The following PKD1L1 variants were observed in gnomAD, a reference collection of about 807,000 sequenced individuals.
PKD1L1 encodes polycystin 1 like 1, transient receptor potential channel interacting, also known as polycystin-1-like protein 1.
Under a neutral mutation model 323.4 loss-of-function variants are expected in PKD1L1, and 236 were observed. That is an observed-to-expected ratio of 0.73 (90% CI 0.66 to 0.81). The LOEUF (loss-of-function observed/expected upper bound fraction) is 0.81, where lower values mean the gene tolerates loss of function less well. Ranked by LOEUF, PKD1L1 falls within the 40% of genes least tolerant of loss-of-function variation. The pLI is 0.00. For synonymous variants in PKD1L1, 1,344 were observed against 1,335.0 expected (o/e 1.01, Z -0.15); for missense variants, 3,320 against 3,508.0 (o/e 0.95, Z 1.35).
intron 7 of PKD1L1, among the ~76,000 whole-genome samples, chr7:47,916,931 C>CA (rs1201088961): frequency 1.3e-5 from 2 of 152,010 alleles, no homozygotes; most frequent in East Asian, 1.9e-4. Flanking sequence ...TTAACACCTC[C>CA]AAAAAAATCA....
rs1041171305 is a variant in PKD1L1, at chr7:47,840,645, C to T, written c.5446-78G>A. 13 of 1,114,286 alleles carry T rather than the reference C, an allele frequency of 1.2e-5. No individual in the cohort carries two copies. Among genetic ancestry groups the T allele is most frequent in the Non-Finnish European group, 1.7e-5 (13 of 745,338 alleles). 69.0% of individuals were successfully genotyped at this position (1,114,286 alleles called of 1,614,324 possible). A position where few individuals can be genotyped will look rare whatever the true frequency, so the allele number is the denominator to read the frequency against. On this transcript the variant is annotated intron_variant, in intron 34 of 56. Transcript: ENST00000289672. This position sits in a 1 kb window ranked among gnomAD's most constrained non-coding sequence, Gnocchi z 4.1. The stretch of plus-strand genomic sequence containing the variant: ...TGCAATGCTGGGCAGGGCTTCCTCG[C>T]ACTTTCTCCCAGCGTCCCACCCTTC...
chr7:47,877,368 C>G, intron 22 of PKD1L1, 121 bp downstream of exon 22: 2 of 1,395,948 alleles, frequency 1.4e-6, no homozygotes, highest in Non-Finnish European at 9.8e-7. Context: ...CAACGGCAGG[C>G]TGAAATCCTT....
intron 6 of PKD1L1, 73 bp downstream of exon 6, chr7:47,931,031 C>A: frequency 7.1e-7 from 1 of 1,415,504 alleles, no homozygotes; most frequent in Non-Finnish European, 9.7e-7. Context: ...AAATCACTAA[C>A]GGATTGGGCA....
chr7:47,776,323 G>A (rs1489637925), intron 56 of PKD1L1, among the ~76,000 whole-genome samples: 2 of 152,158 alleles, frequency 1.3e-5, no homozygotes, highest in African/African-American at 4.8e-5. Context: ...TATTCTAGGA[G>A]GACAGCGTTA....
intron 37 of PKD1L1, 77 bp downstream of exon 37, chr7:47,836,844 G>C (rs1005738999): frequency 6.8e-7 from 1 of 1,479,364 alleles, no homozygotes; most frequent in Non-Finnish European, 9.2e-7. Context: ...TGTGAGCTTT[G>C]TTGATTTCTT....
chr7:47,943,145 C>CAAAAAA (rs142019299), intron 2 of PKD1L1, among the ~76,000 whole-genome samples: 8 of 88,986 alleles, frequency 9.0e-5, no homozygotes, highest in South Asian at 4.7e-4. Context: ...GACTCCGTCT[C>CAAAAAA]AAAAAAAAAA....
intron 36 of PKD1L1, among the ~76,000 whole-genome samples, chr7:47,838,133 C>T (rs995348720): frequency 2.0e-5 from 3 of 152,240 alleles, no homozygotes; most frequent in African/African-American, 7.2e-5. Context: ...TTGAATGGAC[C>T]TTCAGTTTTA....
chr7:47,793,745 G>A (rs6970132), intron 55 of PKD1L1, among the ~76,000 whole-genome samples: 18,600 of 152,194 alleles, frequency 0.12, 1,273 homozygotes, highest in African/African-American at 0.17. Context: ...GGGCTCAGAA[G>A]AAGACAGGAA....
chr7:47,812,128 G>T, intron 49 of PKD1L1, 77 bp from the exon 50 acceptor site: 1 of 1,231,398 alleles, frequency 8.1e-7, no homozygotes, highest in African/African-American at 1.5e-5. Flanking sequence ...CCAGCTGCAG[G>T]TCCCATGCTG....
At chr7:47,784,348 G>A (rs1786760780) in intron 56 of PKD1L1, among the ~76,000 whole-genome samples, 1 of 152,098 alleles carries the variant, frequency 6.6e-6, no homozygotes, top group Non-Finnish European at 1.5e-5. Flanking sequence ...TGTCCATCAT[G>A]GGAAAAATTC....
At chr7:47,894,115 T>C (rs1335994611) in intron 14 of PKD1L1, 56 bp from the exon 15 acceptor site, 35 of 1,450,372 alleles carry the variant, frequency 2.4e-5, no homozygotes, top group Non-Finnish European at 3.1e-5. Flanking sequence ...AGGGACTCAC[T>C]GGAGAAACAC....
chr7:47,845,036 C>A lies in PKD1L1; in HGVS notation c.5196G>T (p.Leu1732=). The A allele has an allele frequency of 6.2e-7, 1 of 1,614,044 alleles. No homozygotes were observed. The highest frequency in any genetic ancestry group is 8.5e-7 in the Non-Finnish European group (1 of 1,180,000). The change falls in exon 33 of 57, where the codon CTG becomes CTT. Residue 1732 remains leucine (L), a synonymous_variant. Coordinates refer to ENST00000289672, the MANE Select transcript of PKD1L1 (RefSeq NM_138295.5). The part of the protein sequence containing the change: ...LAAFALLRRK[L]KASFEVSDIS... ...TGTCACTCACTTCAAAACTGGCCTT[C>A]AGCTTTCTCCTTAGGAGAGCGAATG...
Position 47,829,543 on chromosome 7 carries a change from G to C in PKD1L1, c.6617C>G (p.Thr2206Ser), listed in dbSNP as rs1259275217. The C allele has an allele frequency of 1.2e-6, 2 of 1,613,588 alleles. No homozygotes were observed. The highest frequency in any genetic ancestry group is 1.7e-6 in the Non-Finnish European group (2 of 1,179,940). Residue 2206 changes from threonine to serine, a missense_variant, in exon 44 of 57, where the codon ACT (threonine) becomes AGT (serine). Coordinates refer to ENST00000289672, the MANE Select transcript of PKD1L1 (RefSeq NM_138295.5). ...CCTGGTAGCCTCACATAAAGACTCA[G>C]TAAAAAAGTGGTTGTCAGCTCTTCT... is the stretch of plus-strand genomic sequence containing the variant. Reference protein sequence around the residue: ...WKRRADNHFFTESLCEATRDL... With the variant: ...WKRRADNHFFSESLCEATRDL...
intron 54 of PKD1L1, among the ~76,000 whole-genome samples, chr7:47,798,202 G>C (rs1784583856): frequency 6.6e-6 from 1 of 152,196 alleles, no homozygotes; most frequent in Admixed American, 6.5e-5. Context: ...GAGTGAAAAA[G>C]ACCTCATGGG....
intron 41 of PKD1L1, among the ~76,000 whole-genome samples, chr7:47,832,356 G>C (rs1369101450): frequency 6.6e-6 from 1 of 152,202 alleles, no homozygotes; most frequent in East Asian, 1.9e-4. Flanking sequence ...CTGATCTACT[G>C]CTGATACTTG....
chr7:47,834,641 T>A (rs1785418723), intron 39 of PKD1L1, among the ~76,000 whole-genome samples: 2 of 151,944 alleles, frequency 1.3e-5, no homozygotes, highest in South Asian at 4.2e-4. Context: ...TTGAGAAAAA[T>A]GTTTAATTAA....
At chr7:47,922,644 C>T (rs1787571879) in intron 7 of PKD1L1, among the ~76,000 whole-genome samples, 2 of 151,554 alleles carry the variant, frequency 1.3e-5, no homozygotes, top group South Asian at 2.1e-4. Context: ...CCGGCCGCCC[C>T]GTCTGAGAAG....
chr7:47,899,451 C>T (rs1787030308), intron 13 of PKD1L1, among the ~76,000 whole-genome samples: 1 of 152,116 alleles, frequency 6.6e-6, no homozygotes, highest in African/African-American at 2.4e-5. Flanking sequence ...ATCCACACCC[C>T]TTACTCCTCC....
chr7:47,864,731 G>C (rs985295813), intron 26 of PKD1L1, among the ~76,000 whole-genome samples: 1 of 107,580 alleles, frequency 9.3e-6, no homozygotes, highest in Admixed American at 1.4e-4. Flanking sequence ...CTTTCCTTTC[G>C]TTTTTTTGAT....
Sources: allele counts gnomAD v4.1 joint callset (sites outside exome capture counted in the v4.1 genomes callset), GRCh38; gene constraint gnomAD v4.1.1; non-coding constraint Gnocchi (gnomAD v3.1); transcripts MANE v1.5; gene names NCBI Gene and HGNC (gene_info 2026-07-23, HGNC 2026-07-21).